Variants in PCBP3 observed in about 807,000 individuals in gnomAD.
The protein encoded by PCBP3 is poly(rC) binding protein 3.
Under a neutral mutation model 52.7 loss-of-function variants are expected in PCBP3, and 25 were observed. The observed-to-expected ratio is 0.47, with a 90% CI of 0.35 to 0.66. PCBP3 has a LOEUF of 0.66. PCBP3 is among the 30% of genes least tolerant of loss of function. The pLI, the probability that PCBP3 is intolerant of heterozygous loss-of-function variation, is 0.01. For missense variants in PCBP3, 391 were observed against 490.3 expected, an observed-to-expected ratio of 0.80 and a Z score of 1.91; for synonymous variants, 162 against 183.0, an observed-to-expected ratio of 0.89 and a Z score of 0.93.
chr21:45,815,443 T>G, intron 4 of PCBP3, among the ~76,000 whole-genome samples: 6 of 72,130 alleles, frequency 8.3e-5, no homozygotes, highest in Non-Finnish European at 1.6e-4. Flanking sequence ...GGTGAGTCAG[T>G]GGTGAGTGGT....
In PCBP3 at chr21:45,913,217, A is replaced by T. The variant is rs539678005; in HGVS notation, c.601-734A>T. On this transcript the variant is annotated intron_variant, in intron 11 of 17. Transcript: ENST00000681687. ...GGAGAATGTTAATCCTGTGTTTCCGACAGAATACCCAAGGGAAATTAAGGC... is the reference window on the plus strand; with the variant it reads ...GGAGAATGTTAATCCTGTGTTTCCGTCAGAATACCCAAGGGAAATTAAGGC... 2.0e-5 allele frequency among the ~76,000 whole-genome samples: 3 copies of T among 152,338 alleles called. 1 individual carries two copies. In the South Asian group the frequency reaches 6.2e-4, roughly 32 times the overall value.
At chr21:45,785,936 A>G (rs889946829) in intron 4 of PCBP3, among the ~76,000 whole-genome samples, 2 of 150,158 alleles carry the variant, frequency 1.3e-5, no homozygotes, top group African/African-American at 4.9e-5. Context: ...TGAAGGCAGC[A>G]TGCTCGTTAA....
chr21:45,826,851 C>T (rs576666391), intron 4 of PCBP3, among the ~76,000 whole-genome samples: 31 of 152,282 alleles, frequency 2.0e-4, no homozygotes, highest in African/African-American at 6.5e-4. Flanking sequence ...CCGGACAGAA[C>T]AAAACGTGCT....
rs565323521 is a variant in PCBP3 at position 45,928,552 on chromosome 21, G to A, written c.718-1365G>A. Among the ~76,000 whole-genome samples, 12 of 152,288 alleles carry A rather than the reference G, an allele frequency of 7.9e-5. No homozygotes were observed. In the South Asian group the frequency reaches 1.5e-3, roughly 18 times the overall value. On this transcript the variant is annotated intron_variant, in intron 13 of 17. Transcript: ENST00000681687. The surrounding 1 kb of genome is among the most constrained non-coding windows in gnomAD (Gnocchi z 4.1). ...GGAAGGCGCTGGGACCACAGTCGCC[G>A]CATTCCTGACTGTGCTCCCTGGTGT...
chr21:45,922,872 C>T (rs112132451), intron 13 of PCBP3, among the ~76,000 whole-genome samples: 232 of 152,312 alleles, frequency 1.5e-3, no homozygotes, highest in African/African-American at 4.9e-3. Context: ...GGCAGCTGGA[C>T]GTGAGTGGCA....
chr21:45,757,198 A>G (rs111676456), intron 4 of PCBP3, among the ~76,000 whole-genome samples: 2 of 152,160 alleles, frequency 1.3e-5, no homozygotes, highest in African/African-American at 2.4e-5. Flanking sequence ...CCCATCTTCT[A>G]TTTCTTTATG....
intron 6 of PCBP3, among the ~76,000 whole-genome samples, chr21:45,897,774 G>GGCTGCTGTGGGTCCCGA (rs1174408303): frequency 4.6e-5 from 7 of 152,168 alleles, no homozygotes; most frequent in African/African-American, 1.4e-4. Flanking sequence ...GTGGGTCCTG[G>GGCTGCTGTGGGTCCCGA]GCTGCTGTGG....
At chr21:45,836,040 C>T (rs777317037) in intron 4 of PCBP3, among the ~76,000 whole-genome samples, 3 of 152,136 alleles carry the variant, frequency 2.0e-5, no homozygotes, top group South Asian at 2.1e-4. Flanking sequence ...AGAGGGGCAA[C>T]GTGGGGCCCG....
At chr21:45,730,701 G>A (rs1210431091) in intron 2 of PCBP3, among the ~76,000 whole-genome samples, 2 of 152,052 alleles carry the variant, frequency 1.3e-5, no homozygotes, top group African/African-American at 4.8e-5. Context: ...ATATTTTTAA[G>A]CTCTTTATTA....
intron 5 of PCBP3, chr21:45,894,163 C>A: frequency 2.9e-6 from 1 of 342,316 alleles, no homozygotes; most frequent in Non-Finnish European, 4.1e-6. Flanking sequence ...CCGCACGGCA[C>A]AGGATGGCCT....
chr21:45,872,409 C>T (rs1015084953), intron 5 of PCBP3: 2 of 152,190 alleles, frequency 1.3e-5, no homozygotes, highest in Non-Finnish European at 2.9e-5. Context: ...AGGAGAGCTC[C>T]GTGCTGTACC....
chr21:45,723,160 C>G (rs545218297), intron 2 of PCBP3, among the ~76,000 whole-genome samples: 1 of 152,276 alleles, frequency 6.6e-6, no homozygotes, highest in African/African-American at 2.4e-5. Flanking sequence ...GCTTTCTGCA[C>G]AGAGAGCTGG....
At chr21:45,912,785 C>T (rs184120096) in intron 11 of PCBP3, among the ~76,000 whole-genome samples, 1 of 152,264 alleles carries the variant, frequency 6.6e-6, no homozygotes, top group African/African-American at 2.4e-5. Flanking sequence ...GGGAGGGCAG[C>T]AGCGGCTCCC....
intron 2 of PCBP3, among the ~76,000 whole-genome samples, chr21:45,718,141 T>C (rs917976154): frequency 6.6e-6 from 1 of 152,038 alleles, no homozygotes; most frequent in African/African-American, 2.4e-5. Context: ...ATCCTTTTTA[T>C]TTCTGCAAGG....
At chr21:45,657,106 C>T (rs1356231453) in intron 1 of PCBP3, among the ~76,000 whole-genome samples, 1 of 152,216 alleles carries the variant, frequency 6.6e-6, no homozygotes, top group African/African-American at 2.4e-5. Context: ...CAGGTGTGAA[C>T]TACCGTGCCC....
chr21:45,775,363 A>G (rs1215435279), intron 4 of PCBP3, among the ~76,000 whole-genome samples: 1 of 148,160 alleles, frequency 6.7e-6, no homozygotes, highest in Non-Finnish European at 1.5e-5. Context: ...TTTAATTTAA[A>G]TGCCTCCTTA....
chr21:45,769,993 G>T (rs1375678292), intron 4 of PCBP3, among the ~76,000 whole-genome samples: 1 of 152,224 alleles, frequency 6.6e-6, no homozygotes, highest in Admixed American at 6.5e-5. Context: ...GTTTTGTTTA[G>T]CCCTGAGGCA....
chr21:45,889,283 A>G (rs1480353515), intron 5 of PCBP3, among the ~76,000 whole-genome samples: 1 of 152,214 alleles, frequency 6.6e-6, no homozygotes, highest in African/African-American at 2.4e-5. Context: ...GCGGGCCAGC[A>G]GCCTCTGATT....
intron 2 of PCBP3, among the ~76,000 whole-genome samples, chr21:45,729,334 G>C (rs916848252): frequency 6.6e-6 from 1 of 152,108 alleles, no homozygotes; most frequent in South Asian, 2.1e-4. Context: ...TTGTTTCCCC[G>C]TGTTGGCTAT....
Sources: allele counts gnomAD v4.1 joint callset (sites outside exome capture counted in the v4.1 genomes callset), GRCh38; gene constraint gnomAD v4.1.1; non-coding constraint Gnocchi (gnomAD v3.1); transcripts MANE v1.5; gene names NCBI Gene and HGNC (gene_info 2026-07-23, HGNC 2026-07-21).